SSBP3: variants seen among roughly 807,000 people sequenced by gnomAD.
SSBP3 encodes the protein single-stranded DNA-binding protein 3.
A neutral mutation model predicts 69.6 loss-of-function variants in SSBP3; 5 were observed. That is an observed-to-expected ratio of 0.07 (90% CI 0.04 to 0.15). SSBP3 has a LOEUF of 0.15. Among genes scored for constraint, SSBP3 ranks in the 10% least tolerant of loss-of-function variants. The pLI is 1.00. For missense variants in SSBP3, 312 were observed against 534.0 expected (o/e 0.58, Z 4.10); for synonymous variants, 196 against 193.4 (o/e 1.01, Z -0.11).
At chr1:54,396,373 T>C (rs1427813260) in intron 4 of SSBP3, among the ~76,000 whole-genome samples, 1 of 152,080 alleles carries the variant, frequency 6.6e-6, no homozygotes, top group Non-Finnish European at 1.5e-5. Flanking sequence ...AAGATTAATT[T>C]TTCTAAATAC....
At chr1:54,348,599 C>T (rs775263746) in intron 4 of SSBP3, among the ~76,000 whole-genome samples, 2 of 152,172 alleles carry the variant, frequency 1.3e-5, no homozygotes, top group Non-Finnish European at 1.5e-5. Flanking sequence ...ATACCGGGGA[C>T]TTGCTGGGGC....
At chr1:54,342,289 C>T (rs1186172423) in intron 4 of SSBP3, among the ~76,000 whole-genome samples, 1 of 152,138 alleles carries the variant, frequency 6.6e-6, no homozygotes, top group African/African-American at 2.4e-5. Flanking sequence ...TGTTTCACTT[C>T]TTATTTTTAT....
chr1:54,407,862 G>A (rs1264573731), upstream of SSBP3, among the ~76,000 whole-genome samples: 3 of 150,650 alleles, frequency 2.0e-5, no homozygotes, highest in African/African-American at 7.3e-5. Context: ...CAGTGTCCTG[G>A]GGAAAACACG....
intron 4 of SSBP3, among the ~76,000 whole-genome samples, chr1:54,359,667 A>G (rs1016959048): frequency 6.6e-6 from 1 of 152,238 alleles, no homozygotes; most frequent in Non-Finnish European, 1.5e-5. Flanking sequence ...AGGTGGTGAC[A>G]GAAATGCTGG....
chr1:54,407,987 G>A (rs1270971147), upstream of SSBP3, among the ~76,000 whole-genome samples: 1 of 152,064 alleles, frequency 6.6e-6, no homozygotes, highest in African/African-American at 2.4e-5. Context: ...TAAAAGAAAT[G>A]CCCCGCAGCA....
intron 4 of SSBP3, among the ~76,000 whole-genome samples, chr1:54,374,479 A>G (rs1647184730): frequency 6.6e-6 from 1 of 152,206 alleles, no homozygotes; most frequent in African/African-American, 2.4e-5. Context: ...GACCTGTCCA[A>G]GCCTTTCCAG....
chr1:54,244,252 C>T (rs1644694737), intron 9 of SSBP3, among the ~76,000 whole-genome samples: 1 of 152,110 alleles, frequency 6.6e-6, no homozygotes, highest in Non-Finnish European at 1.5e-5. Flanking sequence ...TATAGGCGCC[C>T]ACGACCATGT....
At chr1:54,256,796 G>T (rs975134063) in intron 7 of SSBP3, among the ~76,000 whole-genome samples, 3 of 152,204 alleles carry the variant, frequency 2.0e-5, no homozygotes, top group South Asian at 2.1e-4. Context: ...TTCCAAGAAG[G>T]GGGTAGAAGG....
chr1:54,327,219 AG>A (rs1646322739), intron 4 of SSBP3, among the ~76,000 whole-genome samples: 1 of 60,100 alleles, frequency 1.7e-5, no homozygotes, highest in African/African-American at 5.3e-5. Flanking sequence ...GAGAGGGAAA[AG>A]GAAGGAAGGA....
At chr1:54,279,746 G>A (rs1373579082) in intron 5 of SSBP3, among the ~76,000 whole-genome samples, 1 of 152,266 alleles carries the variant, frequency 6.6e-6, no homozygotes, top group African/African-American at 2.4e-5. Context: ...CAGCAGCCAG[G>A]AAGATGCCTG....
chr1:54,370,882 C>T (rs1179903321), intron 4 of SSBP3, among the ~76,000 whole-genome samples: 2 of 151,862 alleles, frequency 1.3e-5, no homozygotes, highest in African/African-American at 4.8e-5. Flanking sequence ...AACGGTTCCC[C>T]CGTCATACAA....
At chr1:54,403,505 G>A (rs563545170) in intron 3 of SSBP3, among the ~76,000 whole-genome samples, 60 of 152,288 alleles carry the variant, frequency 3.9e-4, no homozygotes, top group Admixed American at 1.5e-3. Context: ...ACTCCTACAG[G>A]TGGAATCCTT....
intron 4 of SSBP3, among the ~76,000 whole-genome samples, chr1:54,297,612 C>CA (rs1331013094): frequency 1.1e-4 from 17 of 152,172 alleles, no homozygotes; most frequent in Admixed American, 1.1e-3. Flanking sequence ...GCCTGGGAGA[C>CA]AGAGTGAGAC....
At chr1:54,268,709 G>T (rs1645143674) in intron 5 of SSBP3, among the ~76,000 whole-genome samples, 1 of 152,212 alleles carries the variant, frequency 6.6e-6, no homozygotes, top group Non-Finnish European at 1.5e-5. Context: ...CTTGGGGAAT[G>T]GCCCAAGACC....
chr1:54,401,763 A>C (rs1649319587), intron 4 of SSBP3, 98 bp downstream of exon 4: 2 of 983,004 alleles, frequency 2.0e-6, no homozygotes, highest in Non-Finnish European at 3.1e-6. Flanking sequence ...GAAGCAAATA[A>C]AGACCACTGC....
chr1:54,412,339 A>T (rs75933460), intron 1 of SSBP3, among the ~76,000 whole-genome samples: 4,440 of 152,322 alleles, frequency 0.029, 100 homozygotes, highest in East Asian at 0.08. Flanking sequence ...AAAAAAATTT[A>T]AAAATAAATA....
chr1:54,410,343 T>G (rs1649957606), upstream of SSBP3, among the ~76,000 whole-genome samples: 1 of 152,122 alleles, frequency 6.6e-6, no homozygotes, highest in South Asian at 2.1e-4. Context: ...AGGAGGTGGT[T>G]AAAGGAAAAG....
chr1:54,279,317 C>T (rs931136137), intron 5 of SSBP3, among the ~76,000 whole-genome samples: 3 of 152,152 alleles, frequency 2.0e-5, no homozygotes, highest in African/African-American at 7.2e-5. Flanking sequence ...GCTTTCTGAC[C>T]ACACACCCCA....
At chr1:54,411,869 G>A (rs1410408261) in intron 1 of SSBP3, among the ~76,000 whole-genome samples, 1 of 148,978 alleles carries the variant, frequency 6.7e-6, no homozygotes. Context: ...TCCAGCCTGG[G>A]GGACAGAGCG....
Sources: gnomAD v4.1 joint callset for allele counts (sites outside exome capture counted in the v4.1 genomes callset) on GRCh38, gnomAD v4.1.1 for gene constraint, MANE v1.5 for transcripts, NCBI Gene and HGNC (gene_info 2026-07-23, HGNC 2026-07-21) for gene names.